Variants in GPHN observed in about 807,000 individuals in gnomAD.
GPHN encodes gephyrin.
GPHN carries 17 observed loss-of-function variants against 95.5 expected under a neutral mutation model. The ratio of observed to expected loss-of-function variants is 0.18; its 90% confidence interval spans 0.12 to 0.27. The LOEUF (loss-of-function observed/expected upper bound fraction) is 0.27, where lower values mean the gene tolerates loss of function less well. Among genes scored for constraint, GPHN ranks in the 10% least tolerant of loss-of-function variants. The probability of loss-of-function intolerance (pLI) is 1.00; values close to 1 mark genes in which losing one functional copy is unlikely to be tolerated. For synonymous variants in GPHN, 320 were observed against 322.5 expected, an observed-to-expected ratio of 0.99 and a Z score of 0.08; for missense variants, 660 against 978.1, an observed-to-expected ratio of 0.67 and a Z score of 4.34.
chr14:66,725,098 C>T (rs1328864004), intron 2 of GPHN, among the ~76,000 whole-genome samples: 1 of 152,156 alleles, frequency 6.6e-6, no homozygotes, highest in Non-Finnish European at 1.5e-5. Context: ...AGAATACAGA[C>T]TCACCTCCTT....
In GPHN at chr14:66,965,306, C is replaced by T. The variant is rs545859895; in HGVS notation, c.944C>T (p.Ala315Val). Residue 315 changes from alanine to valine, a missense_variant, in exon 9 of 23, where the codon GCT (alanine) becomes GTT (valine). By Grantham distance (64) the Ala-to-Val change is moderately conservative. Transcript: ENST00000478722. Reference sequence around the variant, plus strand: ...CAGGCTACATCTCGCCTCTCTACAGCTTCCTGCCCAACACCAAAAGTAAGT... The same window carrying T: ...CAGGCTACATCTCGCCTCTCTACAGTTTCCTGCCCAACACCAAAAGTAAGT... ...RAQATSRLSTASCPTPKVQSR... is the reference protein window; with the variant it reads ...RAQATSRLSTVSCPTPKVQSR... 6.2e-7 allele frequency: 1 copy of T among 1,613,780 alleles called. No individual in the cohort carries two copies. Among genetic ancestry groups the T allele is most frequent in the South Asian group, 1.1e-5 (1 of 91,070 alleles).
the GPHN span, chr14:67,279,455 A>G: frequency 1.2e-6 from 2 of 1,612,996 alleles, no homozygotes; most frequent in African/African-American, 2.7e-5. Context: ...AAATTCCTCC[A>G]AAGACCGGAA....
the GPHN span, among the ~76,000 whole-genome samples, chr14:67,220,064 A>T: frequency 7.9e-5 from 12 of 152,218 alleles, no homozygotes; most frequent in African/African-American, 2.9e-4. Context: ...AGGTTGAAAA[A>T]TAAGTTATAT....
At chr14:67,296,934 C>T in the GPHN span, among the ~76,000 whole-genome samples, 4 of 152,112 alleles carry the variant, frequency 2.6e-5, no homozygotes, top group African/African-American at 7.2e-5. Context: ...GGATTACAGG[C>T]GTGAGCCACA....
chr14:67,698,579 A>T, the GPHN span, among the ~76,000 whole-genome samples: 1 of 152,224 alleles, frequency 6.6e-6, no homozygotes, highest in African/African-American at 2.4e-5. Flanking sequence ...GACAGGGTTC[A>T]ATCAGAAGTG....
chr14:67,143,427 G>T lies in GPHN; in HGVS notation c.1814G>T (p.Gly605Val). ...ISRADVIITS[G>V]GVSMGEKDYL... ...CGTGCTGATGTCATCATCACATCAG[G>T]GGGTGTATCCATGGGGGAAAAGGTA... Residue 605 changes from glycine to valine, a missense_variant, in exon 18 of 23, where the codon GGG becomes GTG. Physicochemically the swap from Gly to Val is moderately radical, Grantham distance 109. Around this residue, in one of 6 missense-constraint regions of GPHN, gnomAD observed 257 missense variants for 376.2 expected, o/e 0.68. Transcript: ENST00000478722. The T allele has an allele frequency of 6.2e-7, 1 of 1,602,488 alleles. No individual in the cohort carries two copies. Among genetic ancestry groups the T allele is most frequent in the Non-Finnish European group, 8.6e-7 (1 of 1,169,466 alleles).
intron 8 of GPHN, among the ~76,000 whole-genome samples, chr14:66,957,618 A>G (rs2068614997): frequency 6.6e-6 from 1 of 152,162 alleles, no homozygotes; most frequent in Non-Finnish European, 1.5e-5. Flanking sequence ...TATATGGTAT[A>G]TCCTCATGTT....
At chr14:67,654,608 A>C in the GPHN span, among the ~76,000 whole-genome samples, 1 of 152,234 alleles carries the variant, frequency 6.6e-6, no homozygotes, top group African/African-American at 2.4e-5. Flanking sequence ...GAAGCTATTA[A>C]GAAAATCTAC....
the GPHN span, among the ~76,000 whole-genome samples, chr14:67,678,942 C>T: frequency 6.6e-4 from 101 of 152,136 alleles, no homozygotes; most frequent in African/African-American, 2.3e-3. Context: ...AAGGAAAAGG[C>T]GACACAGAAA....
chr14:66,706,103 A>G (rs1381714345), intron 2 of GPHN, among the ~76,000 whole-genome samples: 2 of 152,170 alleles, frequency 1.3e-5, no homozygotes, highest in Admixed American at 1.3e-4. Flanking sequence ...ACAGCTAACA[A>G]GGGATGTGAA....
At chr14:66,700,317 C>T (rs771394561) in intron 2 of GPHN, among the ~76,000 whole-genome samples, 1 of 152,098 alleles carries the variant, frequency 6.6e-6, no homozygotes, top group Non-Finnish European at 1.5e-5. Context: ...ATTTTTGACA[C>T]ACATACTGGA....
At chr14:67,076,452 C>G (rs186955277) in intron 11 of GPHN, among the ~76,000 whole-genome samples, 61 of 152,184 alleles carry the variant, frequency 4.0e-4, no homozygotes, top group Non-Finnish European at 7.4e-4. Context: ...CCCTGTAATT[C>G]ACTTTAAAGT....
At chr14:67,292,559 T>G in the GPHN span, 4 of 1,613,520 alleles carry the variant, frequency 2.5e-6, no homozygotes, top group Non-Finnish European at 2.5e-6. Context: ...CATACTTTGG[T>G]AGATTCTCAG....
At chr14:67,377,826 G>C in the GPHN span, among the ~76,000 whole-genome samples, 1 of 151,986 alleles carries the variant, frequency 6.6e-6, no homozygotes, top group Non-Finnish European at 1.5e-5. Flanking sequence ...AGCCACACTT[G>C]GCTATGTGTG....
intron 1 of GPHN, among the ~76,000 whole-genome samples, chr14:66,600,470 T>C (rs1023534108): frequency 4.6e-5 from 7 of 152,114 alleles, no homozygotes; most frequent in African/African-American, 1.7e-4. Context: ...CAATGTTAGG[T>C]TCCTGTAAGC....
chr14:66,758,106 C>T (rs1362254549), intron 2 of GPHN, among the ~76,000 whole-genome samples: 1 of 152,022 alleles, frequency 6.6e-6, no homozygotes, highest in East Asian at 1.9e-4. Flanking sequence ...AAGGTGGGCA[C>T]GACAGTGTAG....
At chr14:67,111,332 A>G (rs950616926) in intron 14 of GPHN, among the ~76,000 whole-genome samples, 1 of 152,208 alleles carries the variant, frequency 6.6e-6, no homozygotes, top group Non-Finnish European at 1.5e-5. Context: ...CAATGTCACA[A>G]TATTATTCAC....
the GPHN span, chr14:67,335,560 A>G: frequency 2.0e-5 from 3 of 152,654 alleles, no homozygotes; most frequent in African/African-American, 7.2e-5. Flanking sequence ...GCTTTCTATG[A>G]AAATCTAATG....
At chr14:67,204,461 A>G in the GPHN span, 1 of 1,443,386 alleles carries the variant, frequency 6.9e-7, no homozygotes. Context: ...AAACAAATAT[A>G]TATATATATA....
Sources: gnomAD v4.1 joint callset for allele counts (sites outside exome capture counted in the v4.1 genomes callset) on GRCh38, gnomAD v4.1.1 for gene constraint, gnomAD v4.1.1 regional missense constraint, MANE v1.5 for transcripts, NCBI Gene and HGNC (gene_info 2026-07-23, HGNC 2026-07-21) for gene names.